Variants in LRPPRC observed in about 807,000 individuals in gnomAD.
LRPPRC encodes the protein leucine-rich PPR motif-containing protein, mitochondrial.
LRPPRC carries 120 observed loss-of-function variants against 180.3 expected under a neutral mutation model. The ratio of observed to expected loss-of-function variants is 0.67; its 90% CI spans 0.57 to 0.77. The LOEUF (loss-of-function observed/expected upper bound fraction) is 0.77, where lower values mean the gene tolerates loss of function less well. LRPPRC is among the 30% of genes least tolerant of loss of function. The pLI is 0.00. For synonymous variants in LRPPRC, 723 were observed against 600.0 expected, an observed-to-expected ratio of 1.21 and a Z score of -3.00; for missense variants, 2,012 against 1,657.2, an observed-to-expected ratio of 1.21 and a Z score of -3.72.
Position 43,918,474 on chromosome 2 carries a change from C to G in LRPPRC, c.2897-76G>C, listed in dbSNP as rs878963581. On this transcript the variant is annotated intron_variant, in intron 27 of 37. Transcript: ENST00000260665. ...TACACAAAAATATTTAGAACTTTTTCTTATTTGATGTTGAAGAAAGCATTA... is the reference window on the plus strand; with the variant it reads ...TACACAAAAATATTTAGAACTTTTTGTTATTTGATGTTGAAGAAAGCATTA... 88 of 1,109,134 alleles carry G rather than the reference C, an allele frequency of 7.9e-5. 3 individuals carry two copies. The South Asian group carries it at 1.1e-3, about 14-fold the overall frequency. The allele number at this position is 1,109,134 out of a possible 1,614,324, so 68.7% of individuals were successfully genotyped here.
chr2:43,942,605 T>C (rs1199919739), intron 23 of LRPPRC, among the ~76,000 whole-genome samples: 1 of 152,108 alleles, frequency 6.6e-6, no homozygotes, highest in East Asian at 1.9e-4. Flanking sequence ...TTATTATACA[T>C]TTAAAATTCA....
Position 43,893,503 on chromosome 2 carries a change from T to G in LRPPRC, c.3985+1042A>C, listed in dbSNP as rs970724882. Among the ~76,000 whole-genome samples, 7 of 152,336 alleles carry G rather than the reference T, an allele frequency of 4.6e-5. No homozygotes were observed. The East Asian group carries it at 1.2e-3, about 25-fold the overall frequency. On this transcript the variant is annotated intron_variant, in intron 36 of 37. Transcript: ENST00000260665. Reference sequence around the variant, plus strand: ...AGCCAAGACCTTCTACCAGCAAGATTATGACTCACTGAAGGCACAGATGAT... The same window carrying G: ...AGCCAAGACCTTCTACCAGCAAGATGATGACTCACTGAAGGCACAGATGAT...
intron 34 of LRPPRC, among the ~76,000 whole-genome samples, chr2:43,898,644 TGA>T (rs1572893463): frequency 6.6e-6 from 1 of 152,186 alleles, no homozygotes; most frequent in Non-Finnish European, 1.5e-5. Flanking sequence ...CTAATTTAAC[TGA>T]GAGTGCGGGC....
At chr2:43,960,738 T>C (rs1673315086) in intron 12 of LRPPRC, 104 bp from the exon 13 acceptor site, 1 of 749,764 alleles carries the variant, frequency 1.3e-6, no homozygotes, top group South Asian at 1.4e-5. Context: ...TATTCTCTGA[T>C]TTTCTAGAAA....
In LRPPRC at chr2:43,943,935, G is replaced by C. The variant is rs1304727694; in HGVS notation, c.2297-41C>G. 1.0e-5 allele frequency: 15 copies of C among 1,455,190 alleles called. 2 individuals carry two copies. The South Asian group carries it at 1.7e-4, about 17-fold the overall frequency. 90.1% of individuals were successfully genotyped at this position (1,455,190 alleles called of 1,614,324 possible). ...ACAAAAGACCCTTAGGTAATTTCAT[G>C]TAGGGAAAACAAACTGCTATTAAAA... On this transcript the variant is annotated intron_variant, in intron 22 of 37. Transcript: ENST00000260665.
chr2:43,972,020 G>A (rs1034599796), intron 11 of LRPPRC, among the ~76,000 whole-genome samples: 18 of 152,068 alleles, frequency 1.2e-4, no homozygotes, highest in African/African-American at 4.3e-4. Flanking sequence ...TGTAAAAACT[G>A]GCAACTAATT....
intron 27 of LRPPRC, among the ~76,000 whole-genome samples, chr2:43,920,423 A>G (rs931604558): frequency 6.6e-6 from 1 of 152,230 alleles, no homozygotes; most frequent in East Asian, 1.9e-4. Flanking sequence ...GGTGTGAGCC[A>G]CCTTGCCCAG....
chr2:43,982,558 A>G, intron 1 of LRPPRC, 124 bp from the exon 2 acceptor site: 1 of 723,982 alleles, frequency 1.4e-6, no homozygotes, highest in Non-Finnish European at 2.4e-6. Flanking sequence ...AATACCAAAA[A>G]TAGAGGTATG....
chr2:43,915,230 TCTCACACACACACACACACACACACA>T lies in LRPPRC; in HGVS notation c.3149-2698_3149-2673del, dbSNP rs1333575572. On this transcript the variant is annotated intron_variant, in intron 29 of 37. Coordinates refer to ENST00000260665, the MANE Select transcript of LRPPRC (RefSeq NM_133259.4). ...CTCTCTCTCTCTCTCTCTCTCTCTCTCTCACACACACACACACACACACACACACACACACACACACACACACAAGT... is the reference window on the plus strand; with the variant it reads ...CTCTCTCTCTCTCTCTCTCTCTCTCTCACACACACACACACACACACAAGT... Among the ~76,000 whole-genome samples the T allele has an allele frequency of 5.6e-3, 268 of 47,438 alleles. 1 individual carries two copies. Among genetic ancestry groups the T allele is most frequent in the African/African-American group, 0.035 (261 of 7,402 alleles). 31.1% of individuals were successfully genotyped at this position (47,438 alleles called of 152,430 possible). A position where few individuals can be genotyped will look rare whatever the true frequency, so the allele number is the denominator to read the frequency against.
intron 18 of LRPPRC, 99 bp downstream of exon 18, chr2:43,948,021 ATT>A (rs1042113454): frequency 1.2e-5 from 10 of 862,742 alleles, no homozygotes; most frequent in Non-Finnish European, 1.9e-5. Context: ...ATTGAAACAA[ATT>A]TTTTTTCTGA....
intron 11 of LRPPRC, among the ~76,000 whole-genome samples, chr2:43,970,379 A>G (rs1673751305): frequency 6.6e-6 from 1 of 152,230 alleles, no homozygotes. Context: ...AAAGAAAGAT[A>G]TTCTGTTCAG....
intron 30 of LRPPRC, among the ~76,000 whole-genome samples, chr2:43,906,867 C>T (rs984002780): frequency 3.9e-5 from 6 of 152,124 alleles, no homozygotes; most frequent in Admixed American, 6.5e-5. Flanking sequence ...CTTATTCCTC[C>T]GACCAATCCT....
intron 30 of LRPPRC, among the ~76,000 whole-genome samples, chr2:43,909,342 C>T (rs62136829): frequency 0.031 from 4,504 of 145,206 alleles, 86 homozygotes; most frequent in Non-Finnish European, 0.047. Flanking sequence ...AGGAAGGCAA[C>T]TCCCAAATAA....
In LRPPRC at chr2:43,963,185, C is replaced by T. The variant is rs114263105; in HGVS notation, c.1488+403G>A. On this transcript the variant is annotated intron_variant, in intron 12 of 37. Transcript: ENST00000260665. ...CAGGGCCAGGCGCGGTGGCTGATGCCTGTAATCCCAACACTATGAGAGGCT... is the reference window on the plus strand; with the variant it reads ...CAGGGCCAGGCGCGGTGGCTGATGCTTGTAATCCCAACACTATGAGAGGCT... Among the ~76,000 whole-genome samples the T allele has an allele frequency of 4.2e-3, 643 of 152,290 alleles. 5 individuals carry two copies. The highest frequency in any genetic ancestry group is 7.8e-3 in the Non-Finnish European group (531 of 68,018).
At chr2:43,922,765 T>C (rs971453807) in intron 27 of LRPPRC, among the ~76,000 whole-genome samples, 12 of 152,152 alleles carry the variant, frequency 7.9e-5, no homozygotes, top group Non-Finnish European at 1.3e-4. Context: ...ATGTTCCATT[T>C]CAAAGCAACT....
At position 43,894,613 on chromosome 2, in the gene LRPPRC, G is replaced by C. The variant is rs776900302; in HGVS notation, c.3917C>G (p.Ser1306Cys). Reference protein sequence around the residue: ...RKQGKASTVKSVLELIPELNE... With the variant: ...RKQGKASTVKCVLELIPELNE... ...TAATTCAGGAATCAATTCTAACACA[G>C]ATTTCACAGTTGATGCCTAGGAAAT... The change falls in exon 36 of 38, where the codon TCT (serine) becomes TGT (cysteine). Residue 1306 changes from serine (S) to cysteine (C), a missense_variant. Coordinates refer to ENST00000260665, the MANE Select transcript of LRPPRC (RefSeq NM_133259.4). The C allele has an allele frequency of 2.7e-5, 43 of 1,568,028 alleles. No individual in the cohort carries two copies. Among genetic ancestry groups the C allele is most frequent in the Admixed American group, 6.7e-5 (4 of 59,932 alleles).
intron 14 of LRPPRC, among the ~76,000 whole-genome samples, chr2:43,956,162 T>C (rs997943123): frequency 6.6e-6 from 1 of 151,728 alleles, no homozygotes; most frequent in African/African-American, 2.4e-5. Context: ...ACCAGTGTTA[T>C]TAAAAAACAA....
At chr2:43,946,356 A>G in intron 20 of LRPPRC, 113 bp from the exon 21 acceptor site, 2 of 788,530 alleles carry the variant, frequency 2.5e-6, no homozygotes, top group Admixed American at 2.0e-5. Flanking sequence ...TTAAAAATAA[A>G]TGGTTTCATG....
intron 35 of LRPPRC, 126 bp from the exon 36 acceptor site, chr2:43,894,755 T>C: frequency 1.5e-6 from 1 of 666,918 alleles, no homozygotes. Flanking sequence ...TTAAATTTAA[T>C]GCACTATTGT....
Sources: allele counts gnomAD v4.1 joint callset (sites outside exome capture counted in the v4.1 genomes callset), GRCh38; gene constraint gnomAD v4.1.1; transcripts MANE v1.5; gene names NCBI Gene and HGNC (gene_info 2026-07-23, HGNC 2026-07-21).